IL13RA1: variants seen among roughly 807,000 people sequenced by gnomAD.
IL13RA1 encodes interleukin-13 receptor subunit alpha-1.
A neutral mutation model predicts 33.8 loss-of-function variants in IL13RA1; 14 were observed. The observed-to-expected ratio is 0.41, with a 90% CI of 0.27 to 0.65. The LOEUF is 0.65. Ranked by LOEUF, IL13RA1 falls within the 30% of genes least tolerant of loss-of-function variation. IL13RA1 has a pLI of 0.28. For missense variants in IL13RA1, 313 were observed against 327.0 expected (o/e 0.96, Z 0.33); for synonymous variants, 116 against 115.7 (o/e 1.00, Z -0.02).
chrX:118,781,702 G>A (rs1005831037), intron 10 of IL13RA1, among the ~76,000 whole-genome samples: 1 of 112,440 alleles, frequency 8.9e-6, no homozygotes, highest in Non-Finnish European at 1.9e-5. Flanking sequence ...AGCCAAAATA[G>A]CATTACTGTA....
At chrX:118,742,028 G>A (rs2017349779) in intron 2 of IL13RA1, among the ~76,000 whole-genome samples, 1 of 111,427 alleles carries the variant, frequency 9.0e-6, no homozygotes, top group Admixed American at 9.6e-5. Flanking sequence ...TAACCTCTCT[G>A]AGCGTTTGTT....
downstream of IL13RA1, among the ~76,000 whole-genome samples, chrX:118,799,016 G>C (rs369787259): frequency 2.1e-4 from 11 of 52,089 alleles, no homozygotes; most frequent in East Asian, 8.3e-4. Context: ...TGGAGTTCCG[G>C]GTGGGCATGG....
intron 8 of IL13RA1, 139 bp from the exon 9 acceptor site, chrX:118,773,740 T>G (rs942085810): frequency 2.2e-6 from 1 of 464,692 alleles, no homozygotes; most frequent in African/African-American, 2.5e-5. Context: ...GAAGATAAGA[T>G]AATTGAAGAG....
chrX:118,796,044 T>G (rs368800173), downstream of IL13RA1, among the ~76,000 whole-genome samples: 1 of 112,696 alleles, frequency 8.9e-6, no homozygotes, highest in African/African-American at 3.2e-5. Flanking sequence ...GATTTCTTCT[T>G]GAAGGTTCTC....
chrX:118,788,364 TAC>T (rs2017942428), intron 10 of IL13RA1, among the ~76,000 whole-genome samples: 1 of 112,328 alleles, frequency 8.9e-6, no homozygotes, highest in Admixed American at 9.5e-5. Flanking sequence ...CTTGTTTTTG[TAC>T]AGTCTTTAAC....
chrX:118,731,472 A>G lies in IL13RA1; in HGVS notation c.88+3746A>G, dbSNP rs1025593755. Among the ~76,000 whole-genome samples the G allele has an allele frequency of 8.2e-5, 9 of 109,726 alleles. No individual in the cohort carries two copies. The Admixed American group carries it at 8.7e-4, about 11-fold the overall frequency. On this transcript the variant is annotated intron_variant, in intron 1 of 10. Coordinates refer to ENST00000371666, the MANE Select transcript of IL13RA1 (RefSeq NM_001560.3). The stretch of plus-strand genomic sequence containing the variant: ...CACACCTGTAATCCCAACTACTCGG[A>G]AGGCTGAGGCAGGAGAATCGCTTGA...
chrX:118,800,891 G>A, the IL13RA1 span, among the ~76,000 whole-genome samples: 4,594 of 111,606 alleles, frequency 0.041, 211 homozygotes, highest in African/African-American at 0.13. Context: ...GGTTCAAGCG[G>A]TTCTCCTACC....
At chrX:118,770,594 G>A (rs1238037487) in intron 8 of IL13RA1, 1 of 477,200 alleles carries the variant, frequency 2.1e-6, no homozygotes, top group South Asian at 2.4e-5. Context: ...AAGCTGTACG[G>A]GCACATCCGC....
At chrX:118,739,811 C>T in intron 1 of IL13RA1, among the ~76,000 whole-genome samples, 1 of 111,703 alleles carries the variant, frequency 9.0e-6, no homozygotes, top group East Asian at 2.8e-4. Context: ...GCTGCTAAGT[C>T]TCTTTCTCAG....
intron 6 of IL13RA1, among the ~76,000 whole-genome samples, chrX:118,762,795 C>A (rs2017603550): frequency 8.9e-6 from 1 of 112,186 alleles, no homozygotes; most frequent in South Asian, 3.7e-4. Context: ...CTTTACTGTT[C>A]TCTCCTGTCT....
At chrX:118,772,277 G>A (rs2017731338) in intron 8 of IL13RA1, among the ~76,000 whole-genome samples, 1 of 112,601 alleles carries the variant, frequency 8.9e-6, no homozygotes, top group Non-Finnish European at 1.9e-5. Flanking sequence ...GTGTGTGCGT[G>A]CGCACACGTG....
chrX:118,740,786 AAAC>A (rs910110122), intron 1 of IL13RA1, among the ~76,000 whole-genome samples: 5 of 112,067 alleles, frequency 4.5e-5, no homozygotes, highest in African/African-American at 6.5e-5. Context: ...CTATCTCAAA[AAAC>A]AACAACAACA....
At chrX:118,799,350 T>C (rs1156325934), downstream of IL13RA1, among the ~76,000 whole-genome samples, 3 of 113,295 alleles carry the variant, frequency 2.6e-5, no homozygotes, top group South Asian at 1.1e-3. Context: ...GAGCGCACAG[T>C]GCAGGACTGG....
intron 10 of IL13RA1, among the ~76,000 whole-genome samples, chrX:118,787,037 A>G (rs1319326913): frequency 8.9e-6 from 1 of 111,895 alleles, no homozygotes; most frequent in Non-Finnish European, 1.9e-5. Flanking sequence ...TAATTTGTCC[A>G]CATTCACTCT....
chrX:118,751,026 C>T (rs1305167800), intron 4 of IL13RA1, among the ~76,000 whole-genome samples: 1 of 111,564 alleles, frequency 9.0e-6, no homozygotes, highest in Non-Finnish European at 1.9e-5. Flanking sequence ...AGGCTGGTCT[C>T]GAACTCCTGG....
chrX:118,803,912 TC>T, the IL13RA1 span, among the ~76,000 whole-genome samples: 1 of 78,321 alleles, frequency 1.3e-5, no homozygotes, highest in Admixed American at 1.6e-4. Context: ...CTTCCTTCCT[TC>T]CTTCCTTCCT....
chrX:118,798,297 T>G (rs1200722707), downstream of IL13RA1, among the ~76,000 whole-genome samples: 2 of 101,131 alleles, frequency 2.0e-5, no homozygotes, highest in African/African-American at 7.8e-5. Flanking sequence ...TATTTTTTTG[T>G]TTTTTTCCCC....
Position 118,749,797 on chromosome X carries a change from A to T in IL13RA1, c.488+19A>T, listed in dbSNP as rs1051164712. The T allele has an allele frequency of 9.2e-7, 1 of 1,082,354 alleles. No homozygotes were observed. The highest frequency in any genetic ancestry group is 1.3e-6 in the Non-Finnish European group (1 of 786,652). The allele number at this position is 1,082,354 out of a possible 1,213,427, so 89.2% of individuals were successfully genotyped here. On this transcript the variant is annotated intron_variant, in intron 4 of 10. Coordinates refer to ENST00000371666, the MANE Select transcript of IL13RA1 (RefSeq NM_001560.3). ...ACTATTGGTGAGTATGTACAGTACA[A>T]TTACTGGAAGACTGATTGTAATTGT... is the stretch of plus-strand genomic sequence containing the variant.
In IL13RA1 at chrX:118,766,577, G is replaced by A; in HGVS notation, c.876G>A (p.Glu292=). Residue 292 remains glutamate, a splice_region_variant and synonymous_variant, in exon 7 of 11, where the codon GAG becomes GAA. Transcript: ENST00000371666. ...CENPEFERNV[E]NTSCFMVPGV... is the part of the protein sequence containing the mutation. ...ATCCAGAATTTGAGAGAAATGTGGA[G>A]GTCAGTAAATTCAACATTAGCTATT... 2 of 1,038,265 alleles carry A rather than the reference G, an allele frequency of 1.9e-6. No individual in the cohort carries two copies. The highest frequency in any genetic ancestry group is 1.4e-6 in the Non-Finnish European group (1 of 738,592). The allele number at this position is 1,038,265 out of a possible 1,213,427, so 85.6% of individuals were successfully genotyped here. A position where few individuals can be genotyped will look rare whatever the true frequency, so the allele number is the denominator to read the frequency against.
Sources: allele counts gnomAD v4.1 joint callset (sites outside exome capture counted in the v4.1 genomes callset), GRCh38; gene constraint gnomAD v4.1.1; transcripts MANE v1.5; gene names NCBI Gene and HGNC (gene_info 2026-07-23, HGNC 2026-07-21).